Variants in C1orf216 observed in about 807,000 individuals in gnomAD.
C1orf216 encodes the protein UPF0500 protein C1orf216.
In C1orf216, 18 loss-of-function variants were observed where a neutral mutation model predicts 16.4. The ratio of observed to expected loss-of-function variants is 1.10; its 90% CI spans 0.76 to 1.63. C1orf216 has a LOEUF of 1.63. Among genes scored for constraint, C1orf216 ranks in the 40% most tolerant of loss-of-function variants. The pLI is 0.00. For synonymous variants in C1orf216, 115 were observed against 116.9 expected, an observed-to-expected ratio of 0.98 and a Z score of 0.11; for missense variants, 271 against 297.6, an observed-to-expected ratio of 0.91 and a Z score of 0.66.
In C1orf216 at chr1:35,716,235, T is replaced by C. The variant is rs767879888; in HGVS notation, c.87A>G (p.Pro29=). ...PPGLCQPELQ[P]DSNSNFMASA... The stretch of plus-strand genomic sequence containing the variant: ...TTGCCATGAAGTTGGAGTTGCTGTC[T>C]GGTTGGAGCTCGGGCTGACATAATC... The change falls in exon 2 of 2, where the codon CCA becomes CCG. Residue 29 remains proline (P), a synonymous_variant. Coordinates refer to ENST00000270815, the MANE Select transcript of C1orf216 (RefSeq NM_152374.2). The C allele has an allele frequency of 9.3e-6, 15 of 1,614,150 alleles. No homozygotes were observed. In the South Asian group the frequency reaches 1.3e-4, roughly 14 times the overall value.
chr1:35,716,495 G>A, intron 1 of C1orf216, 169 bp from the exon 2 acceptor site: 1 of 622,702 alleles, frequency 1.6e-6, no homozygotes. Flanking sequence ...CGTCCTCCCT[G>A]TCTACCTGTT....
At position 35,716,224 on chromosome 1, in the gene C1orf216, G is replaced by T; in HGVS notation, c.98C>A (p.Ser33Tyr). Residue 33 changes from serine to tyrosine, a missense_variant, in exon 2 of 2, where the codon TCC becomes TAC. Physicochemically the swap from Ser to Tyr is moderately radical, Grantham distance 144. This residue lies in a region of C1orf216 where 44 missense variants were observed against 46.0 expected (regional missense o/e 0.96). Coordinates refer to ENST00000270815, the MANE Select transcript of C1orf216 (RefSeq NM_152374.2). Reference sequence around the variant, plus strand: ...ATCCTTGGCACTTGCCATGAAGTTGGAGTTGCTGTCTGGTTGGAGCTCGGG... The same window carrying T: ...ATCCTTGGCACTTGCCATGAAGTTGTAGTTGCTGTCTGGTTGGAGCTCGGG... ...CQPELQPDSNSNFMASAKDAN... is the reference protein window; with the variant it reads ...CQPELQPDSNYNFMASAKDAN... The T allele has an allele frequency of 6.2e-7, 1 of 1,614,278 alleles. No individual in the cohort carries two copies. Among genetic ancestry groups the T allele is most frequent in the Non-Finnish European group, 8.5e-7 (1 of 1,180,052 alleles).
rs1640926280 is a variant in C1orf216, at chr1:35,714,899, A to G, written c.*733T>C. The stretch of plus-strand genomic sequence containing the variant: ...AGCCAACATCAGGGACAATAGCCTC[A>G]GCTGAGCAAGTCTGGGTTAAGTGAG... On this transcript the variant is annotated 3_prime_UTR_variant, in exon 2 of 2. Transcript: ENST00000270815. 2 of 152,418 alleles carry G rather than the reference A, an allele frequency of 1.3e-5. No homozygotes were observed. Among genetic ancestry groups the G allele is most frequent in the African/African-American group, 2.4e-5 (1 of 41,474 alleles). The allele number at this position is 152,418 out of a possible 1,614,324, so 9.4% of individuals were successfully genotyped here.
Position 35,716,264 on chromosome 1 carries a change from G to A in C1orf216, c.58C>T (p.Pro20Ser), listed in dbSNP as rs145411422. The change falls in exon 2 of 2, where the codon CCT (proline) becomes TCT (serine). Residue 20 changes from proline to serine, a missense_variant. This residue lies in a region of C1orf216 where 44 missense variants were observed against 46.0 expected (regional missense o/e 0.96). Transcript: ENST00000270815. ...TGGAGCTCGGGCTGACATAATCCAG[G>A]AGGTGGGTCCCCCAGGAATTGGCCC... ...EGGQFLGDPP[P>S]GLCQPELQPD... is the part of the protein sequence containing the mutation. 71 of 1,614,108 alleles carry A rather than the reference G, an allele frequency of 4.4e-5. No homozygotes were observed. The highest frequency in any genetic ancestry group is 5.6e-5 in the Non-Finnish European group (66 of 1,180,028).
rs1316406030 is a variant in C1orf216, at chr1:35,714,581, A to G, written c.*1051T>C. On this transcript the variant is annotated 3_prime_UTR_variant, in exon 2 of 2. Coordinates refer to ENST00000270815, the MANE Select transcript of C1orf216 (RefSeq NM_152374.2). ...GAAGCTTAAATGAACACGGTTTGCA[A>G]CAGCTCCTTTTCCAATGGAGAGATG... 6.6e-6 allele frequency: 1 copy of G among 152,230 alleles called. No individual in the cohort carries two copies. The highest frequency in any genetic ancestry group is 2.4e-5 in the African/African-American group (1 of 41,458). 9.4% of individuals were successfully genotyped at this position (152,230 alleles called of 1,614,324 possible).
Position 35,716,067 on chromosome 1 carries a change from T to TG in C1orf216, c.254dup (p.Glu86ArgfsTer9). ...CAGCCCCGGGAATCTCTGCCCCCTC[T>TG]GGGGGGCTGCGCACCCCTTCCTCAG... On this transcript the variant is annotated frameshift_variant, in exon 2 of 2. Transcript: ENST00000270815. LOFTEE classifies it high-confidence loss of function. 6.2e-7 allele frequency: 1 copy of TG among 1,614,104 alleles called. No individual in the cohort carries two copies. The highest frequency in any genetic ancestry group is 1.7e-5 in the Admixed American group (1 of 60,028).
rs925739035 is a variant in C1orf216 at position 35,715,431 on chromosome 1, G to GTGT, written c.*198_*200dup. 24 of 611,780 alleles carry GTGT rather than the reference G, an allele frequency of 3.9e-5. No individual in the cohort carries two copies. The highest frequency in any genetic ancestry group is 6.8e-5 in the Non-Finnish European group (24 of 351,304). 37.9% of individuals were successfully genotyped at this position (611,780 alleles called of 1,614,324 possible). A position where few individuals can be genotyped will look rare whatever the true frequency, so the allele number is the denominator to read the frequency against. ...ATAGGTCTGCAGATAAATTAGCTGT[G>GTGT]TGTACACATGTGCACACAGCACACT... On this transcript the variant is annotated 3_prime_UTR_variant, in exon 2 of 2. Transcript: ENST00000270815. The surrounding 1 kb of genome is among the most constrained non-coding windows in gnomAD (Gnocchi z 4.3).
chr1:35,717,457 C>G (rs1640972814), intron 1 of C1orf216, among the ~76,000 whole-genome samples: 1 of 152,144 alleles, frequency 6.6e-6, no homozygotes, highest in Non-Finnish European at 1.5e-5. Flanking sequence ...CTCCCCTCCC[C>G]TCAAAGCTCC....
chr1:35,715,507 CAT>C lies in C1orf216; in HGVS notation c.*123_*124del, dbSNP rs1640936527. 2 of 1,085,480 alleles carry C rather than the reference CAT, an allele frequency of 1.8e-6. No individual in the cohort carries two copies. The highest frequency in any genetic ancestry group is 2.8e-5 in the Admixed American group (1 of 36,002). The allele number at this position is 1,085,480 out of a possible 1,614,324, so 67.2% of individuals were successfully genotyped here. A position where few individuals can be genotyped will look rare whatever the true frequency, so the allele number is the denominator to read the frequency against. On this transcript the variant is annotated 3_prime_UTR_variant, in exon 2 of 2. Transcript: ENST00000270815. The surrounding 1 kb of genome is among the most constrained non-coding windows in gnomAD (Gnocchi z 4.3). ...ACACATGCCTACACACACCAGCCTA[CAT>C]GTTAGCACATACACACTCATGCCTA...
Position 35,715,615 on chromosome 1 carries a change from C to T in C1orf216, c.*17G>A. On this transcript the variant is annotated 3_prime_UTR_variant, in exon 2 of 2. Transcript: ENST00000270815. The surrounding 1 kb of genome is among the most constrained non-coding windows in gnomAD (Gnocchi z 4.3). ...AAATATATACATATACCCTTGCACA[C>T]TTGTGGAGGCACACCCTTAGGCCTG... 2 of 1,597,796 alleles carry T rather than the reference C, an allele frequency of 1.3e-6. No individual in the cohort carries two copies. Among genetic ancestry groups the T allele is most frequent in the Non-Finnish European group, 1.7e-6 (2 of 1,170,736 alleles).
chr1:35,715,818 G>A lies in C1orf216; in HGVS notation c.504C>T (p.His168=). The part of the protein sequence containing the change: ...ERYKEQEKEK[H]HVHLVMYRRL... The stretch of plus-strand genomic sequence containing the variant: ...GACGGTACATCACCAAGTGCACGTG[G>A]TGCTTTTCCTTCTCCTGCTCTTTGT... Residue 168 remains histidine (H), a synonymous_variant, in exon 2 of 2, where the codon CAC becomes CAT. Coordinates refer to ENST00000270815, the MANE Select transcript of C1orf216 (RefSeq NM_152374.2). The surrounding 1 kb of genome is among the most constrained non-coding windows in gnomAD (Gnocchi z 4.3). 1 of 1,614,268 alleles carries A rather than the reference G, an allele frequency of 6.2e-7. No homozygotes were observed. The highest frequency in any genetic ancestry group is 8.5e-7 in the Non-Finnish European group (1 of 1,180,056).
chr1:35,716,050 G>T lies in C1orf216; in HGVS notation c.272C>A (p.Pro91His). 4 of 1,614,082 alleles carry T rather than the reference G, an allele frequency of 2.5e-6. No homozygotes were observed. In the Middle Eastern group the frequency reaches 6.6e-4, roughly 266 times the overall value. ...ACCCATCTTCTCAGGCTCAGCCCCG[G>T]GAATCTCTGCCCCCTCTGGGGGGCT... Reference protein sequence around the residue: ...VRSPPEGAEIPGAEPEKMGGA... With the variant: ...VRSPPEGAEIHGAEPEKMGGA... Residue 91 changes from proline (P) to histidine (H), a missense_variant, in exon 2 of 2, where the codon CCC (proline) becomes CAC (histidine). Transcript: ENST00000270815.
rs918238146 is a variant in C1orf216, at chr1:35,714,053, C to T, written c.*1579G>A. ...CTCTTTAGAGATAGGAAGAGCCCCC[C>T]ACTTTGCCGATAGGGAGACTGAGGG... On this transcript the variant is annotated 3_prime_UTR_variant, in exon 2 of 2. Transcript: ENST00000270815. The T allele has an allele frequency of 3.3e-5, 5 of 152,076 alleles. 1 individual carries two copies. Among genetic ancestry groups the T allele is most frequent in the Admixed American group, 3.3e-4 (5 of 15,270 alleles). 9.4% of individuals were successfully genotyped at this position (152,076 alleles called of 1,614,324 possible). A position where few individuals can be genotyped will look rare whatever the true frequency, so the allele number is the denominator to read the frequency against.
chr1:35,716,417 G>T, intron 1 of C1orf216, 91 bp from the exon 2 acceptor site: 2 of 1,157,314 alleles, frequency 1.7e-6, no homozygotes, highest in South Asian at 1.6e-5. Context: ...AAGGCTGCAA[G>T]CAAGAGCCTG....
Position 35,715,898 on chromosome 1 carries a change from G to T in C1orf216, c.424C>A (p.Pro142Thr). The T allele has an allele frequency of 6.2e-7, 1 of 1,614,230 alleles. No homozygotes were observed. Among genetic ancestry groups the T allele is most frequent in the Non-Finnish European group, 8.5e-7 (1 of 1,180,042 alleles). The change falls in exon 2 of 2, where the codon CCC becomes ACC. Residue 142 changes from proline (P) to threonine (T), a missense_variant. Pro to Thr is a conservative substitution (Grantham distance 38). Coordinates refer to ENST00000270815, the MANE Select transcript of C1orf216 (RefSeq NM_152374.2). The surrounding 1 kb of genome is among the most constrained non-coding windows in gnomAD (Gnocchi z 4.3). ...GCCTGGGCCACTGAGGGCAGAAGGG[G>T]ATCGGGAGGGCCAGGGCCTCGCGGG... ...GTPRGPGPPD[P>T]LLPSVAQAVQ... is the part of the protein sequence containing the mutation.
rs1640940077 is a variant in C1orf216 at position 35,715,665 on chromosome 1, C to T, written c.657G>A (p.Arg219=). The T allele has an allele frequency of 6.2e-7, 1 of 1,613,938 alleles. No individual in the cohort carries two copies. The highest frequency in any genetic ancestry group is 8.5e-7 in the Non-Finnish European group (1 of 1,179,932). Residue 219 remains arginine, a synonymous_variant, in exon 2 of 2, where the codon AGG becomes AGA. Transcript: ENST00000270815. The surrounding 1 kb of genome is among the most constrained non-coding windows in gnomAD (Gnocchi z 4.3). ...RKELIRCLQQ[R]AAPSRPQDQA ...GGTCCTGGGGCCTGGATGGTGCTGC[C>T]CTCTGCTGGAGACAGCGAATAAGCT...
At position 35,715,734 on chromosome 1, in the gene C1orf216, G is replaced by T. The variant is rs202169403; in HGVS notation, c.588C>A (p.Ala196=). 10 of 1,613,988 alleles carry T rather than the reference G, an allele frequency of 6.2e-6. No individual in the cohort carries two copies. In the Middle Eastern group the frequency reaches 6.6e-4, roughly 106 times the overall value. The stretch of plus-strand genomic sequence containing the variant: ...TGGTGTCGAAGCTCTCCTGCAGTCG[G>T]GCCTGCTGGTCAATCAACTGATGCT... ...GLQHQLIDQQ[A]RLQESFDTIL... is the part of the protein sequence containing the mutation. The change falls in exon 2 of 2, where the codon GCC becomes GCA. Residue 196 remains alanine, a synonymous_variant. Transcript: ENST00000270815. This position sits in a 1 kb window ranked among gnomAD's most constrained non-coding sequence, Gnocchi z 4.3.
chr1:35,716,682 C>T, intron 1 of C1orf216: 1 of 276,824 alleles, frequency 3.6e-6, no homozygotes. Context: ...AACCCTGCAA[C>T]CAACCATAGT....
Position 35,715,738 on chromosome 1 carries a change from T to A in C1orf216, c.584A>T (p.Gln195Leu). 6.2e-7 allele frequency: 1 copy of A among 1,614,144 alleles called. No individual in the cohort carries two copies. Among genetic ancestry groups the A allele is most frequent in the Non-Finnish European group, 8.5e-7 (1 of 1,180,036 alleles). ...GTCGAAGCTCTCCTGCAGTCGGGCCTGCTGGTCAATCAACTGATGCTGCAG... is the reference window on the plus strand; with the variant it reads ...GTCGAAGCTCTCCTGCAGTCGGGCCAGCTGGTCAATCAACTGATGCTGCAG... ...RGLQHQLIDQQARLQESFDTI... is the reference protein window; with the variant it reads ...RGLQHQLIDQLARLQESFDTI... The change falls in exon 2 of 2, where the codon CAG becomes CTG. Residue 195 changes from glutamine (Q) to leucine (L), a missense_variant. This residue lies in a region of C1orf216 where 220 missense variants were observed against 227.8 expected (regional missense o/e 0.97). Coordinates refer to ENST00000270815, the MANE Select transcript of C1orf216 (RefSeq NM_152374.2). This position sits in a 1 kb window ranked among gnomAD's most constrained non-coding sequence, Gnocchi z 4.3.
Sources: allele counts gnomAD v4.1 joint callset (sites outside exome capture counted in the v4.1 genomes callset), GRCh38; gene constraint gnomAD v4.1.1; regional missense constraint gnomAD v4.1.1; non-coding constraint Gnocchi (gnomAD v3.1); transcripts MANE v1.5; gene names NCBI Gene and HGNC (gene_info 2026-07-23, HGNC 2026-07-21).